TRIM33: variants seen among roughly 807,000 people sequenced by gnomAD.
TRIM33 encodes the protein tripartite motif containing 33.
TRIM33 carries 20 observed loss-of-function variants against 125.4 expected under a neutral mutation model. The ratio of observed to expected loss-of-function variants is 0.16; its 90% CI spans 0.11 to 0.23. The LOEUF (loss-of-function observed/expected upper bound fraction) is 0.23. TRIM33 is among the 10% of genes least tolerant of loss of function. The pLI, the probability that TRIM33 is intolerant of heterozygous loss-of-function variation, is 1.00. For synonymous variants in TRIM33, 564 were observed against 513.9 expected, an observed-to-expected ratio of 1.10 and a Z score of -1.32; for missense variants, 920 against 1,411.4, an observed-to-expected ratio of 0.65 and a Z score of 5.58.
At chr1:114,453,446 G>A (rs758412017) in intron 4 of TRIM33, among the ~76,000 whole-genome samples, 24 of 151,968 alleles carry the variant, frequency 1.6e-4, no homozygotes, top group African/African-American at 5.6e-4. Context: ...CTAAGAAACC[G>A]CATGTACAAA....
chr1:114,408,748 G>A lies in TRIM33; in HGVS notation c.2195-8C>T, dbSNP rs1652401279. On this transcript the variant is annotated splice_polypyrimidine_tract_variant and splice_region_variant and intron_variant, in intron 12 of 19. Transcript: ENST00000358465. ...TGTGAGAATTGGATAAACCTAAAAA[G>A]TAGTAAGTCAAAATGAATATCAATG... 2 of 1,584,026 alleles carry A rather than the reference G, an allele frequency of 1.3e-6. No individual in the cohort carries two copies. The highest frequency in any genetic ancestry group is 1.7e-6 in the Non-Finnish European group (2 of 1,159,158).
At chr1:114,471,253 C>T (rs903748603) in intron 1 of TRIM33, among the ~76,000 whole-genome samples, 38 of 152,162 alleles carry the variant, frequency 2.5e-4, no homozygotes, top group African/African-American at 8.9e-4. Context: ...TCAAGACCAT[C>T]CTGGCCAATA....
intron 4 of TRIM33, among the ~76,000 whole-genome samples, chr1:114,451,231 T>C (rs1649292297): frequency 6.6e-6 from 1 of 152,168 alleles, no homozygotes; most frequent in East Asian, 1.9e-4. Flanking sequence ...GTGACACCTA[T>C]CATCTCTAGG....
rs933379485 is a variant in TRIM33 at position 114,399,404 on chromosome 1, GAAAC to G, written c.3120+49_3120+52del. The G allele has an allele frequency of 4.9e-5, 74 of 1,522,398 alleles. 2 individuals are homozygous for G. The Middle Eastern group carries it at 4.2e-3, about 86-fold the overall frequency. The allele number at this position is 1,522,398 out of a possible 1,614,324, so 94.3% of individuals were successfully genotyped here. ...AAAGTCAGCAGAAAAATAAAACAAGGAAACAAACAAAAACTAACAAATCAAGACT... is the reference window on the plus strand; with the variant it reads ...AAAGTCAGCAGAAAAATAAAACAAGGAAACAAAAACTAACAAATCAAGACT... On this transcript the variant is annotated intron_variant, in intron 18 of 19. Transcript: ENST00000358465.
chr1:114,425,373 A>C, intron 9 of TRIM33, 76 bp downstream of exon 9: 1 of 1,541,476 alleles, frequency 6.5e-7, no homozygotes, highest in Non-Finnish European at 8.8e-7. Flanking sequence ...GAAATGTGTA[A>C]CTTAATTATA....
intron 1 of TRIM33, among the ~76,000 whole-genome samples, chr1:114,475,413 G>A (rs1181389628): frequency 6.6e-6 from 1 of 152,222 alleles, no homozygotes; most frequent in Non-Finnish European, 1.5e-5. Flanking sequence ...TAGGCGCGGT[G>A]GCCCATGCCT....
Position 114,397,347 on chromosome 1 carries a change from ATATT to A in TRIM33, c.*297_*300del, listed in dbSNP as rs1651591503. 7.1e-6 allele frequency: 3 copies of A among 424,496 alleles called. No individual in the cohort carries two copies. Among genetic ancestry groups the A allele is most frequent in the Non-Finnish European group, 1.3e-5 (3 of 235,548 alleles). 26.3% of individuals were successfully genotyped at this position (424,496 alleles called of 1,614,324 possible). ...ACCAATCAATAGCACACAATCATCA[ATATT>A]TGCCATTTCTAACAATCAGAGAATC... On this transcript the variant is annotated 3_prime_UTR_variant, in exon 20 of 20. Transcript: ENST00000358465.
At chr1:114,486,245 C>T (rs1651677850) in intron 1 of TRIM33, among the ~76,000 whole-genome samples, 3 of 152,040 alleles carry the variant, frequency 2.0e-5, no homozygotes, top group Non-Finnish European at 4.4e-5. Context: ...CACTGAACCC[C>T]AGCCTGGGCG....
At chr1:114,467,487 C>G (rs1030077778) in intron 1 of TRIM33, among the ~76,000 whole-genome samples, 1 of 152,062 alleles carries the variant, frequency 6.6e-6, no homozygotes, top group Admixed American at 6.5e-5. Flanking sequence ...GTTATGACTG[C>G]TGAGGAAGAA....
At chr1:114,481,552 C>T (rs1651342289) in intron 1 of TRIM33, among the ~76,000 whole-genome samples, 1 of 150,964 alleles carries the variant, frequency 6.6e-6, no homozygotes, top group Non-Finnish European at 1.5e-5. Flanking sequence ...GATTGCGCCA[C>T]TGCACTCCAG....
intron 1 of TRIM33, among the ~76,000 whole-genome samples, chr1:114,482,930 A>G (rs1176790075): frequency 6.6e-6 from 1 of 152,256 alleles, no homozygotes; most frequent in Non-Finnish European, 1.5e-5. Flanking sequence ...ACCTAGTCTC[A>G]GGTATGTCTT....
intron 1 of TRIM33, among the ~76,000 whole-genome samples, chr1:114,479,576 A>G (rs926916143): frequency 1.3e-5 from 2 of 152,232 alleles, no homozygotes; most frequent in East Asian, 3.8e-4. Context: ...AAAATTTGAG[A>G]GAAAGTCACA....
At position 114,472,976 on chromosome 1, in the gene TRIM33, G is replaced by A. The variant is rs146254803; in HGVS notation, c.527-8588C>T. Among the ~76,000 whole-genome samples, 362 of 152,064 alleles carry A rather than the reference G, an allele frequency of 2.4e-3. 3 individuals are homozygous for A. Among genetic ancestry groups the A allele is most frequent in the African/African-American group, 8.3e-3 (344 of 41,492 alleles). On this transcript the variant is annotated intron_variant, in intron 1 of 19. Coordinates refer to ENST00000358465, the MANE Select transcript of TRIM33 (RefSeq NM_015906.4). ...CAGTGTGTTATAAAGTTTTGGTGCCGCAAAAGAAATAGCACTCAAATATAA... is the reference window on the plus strand; with the variant it reads ...CAGTGTGTTATAAAGTTTTGGTGCCACAAAAGAAATAGCACTCAAATATAA...
At position 114,510,573 on chromosome 1, in the gene TRIM33, GC is replaced by G; in HGVS notation, c.503del (p.Gly168AlafsTer11). On this transcript the variant is annotated frameshift_variant, in exon 1 of 20. Transcript: ENST00000358465. LOFTEE classifies it high-confidence loss of function. ...CACCTTGCTGGATGTCGCCGTTGCT[GC>G]CCCCCGGGATGGGCACGCTGAGCTG... ...ERQLSVPIPG[G>X]SNGDIQQVGV... 3.3e-6 allele frequency: 5 copies of G among 1,515,398 alleles called. No homozygotes were observed. Among genetic ancestry groups the G allele is most frequent in the East Asian group, 2.5e-5 (1 of 40,460 alleles). 93.9% of individuals were successfully genotyped at this position (1,515,398 alleles called of 1,614,324 possible). A position where few individuals can be genotyped will look rare whatever the true frequency, so the allele number is the denominator to read the frequency against.
chr1:114,507,610 A>T (rs1210310324), intron 1 of TRIM33, among the ~76,000 whole-genome samples: 1 of 152,206 alleles, frequency 6.6e-6, no homozygotes, highest in African/African-American at 2.4e-5. Context: ...CCTTGGTGAG[A>T]TATAAGTAAA....
In TRIM33 at chr1:114,415,668, C is replaced by T. The variant is rs561414976; in HGVS notation, c.2062-5352G>A. On this transcript the variant is annotated intron_variant, in intron 11 of 19. Transcript: ENST00000358465. Reference sequence around the variant, plus strand: ...TGACCCTGTTTAGAAAACTGTCACCCGGCCAGGTGCAGTGGCTCACGCCTG... The same window carrying T: ...TGACCCTGTTTAGAAAACTGTCACCTGGCCAGGTGCAGTGGCTCACGCCTG... 4.6e-5 allele frequency among the ~76,000 whole-genome samples: 7 copies of T among 152,088 alleles called. No homozygotes were observed. The East Asian group carries it at 5.8e-4, about 13-fold the overall frequency.
intron 10 of TRIM33, among the ~76,000 whole-genome samples, chr1:114,423,490 CTATT>C (rs1479859083): frequency 1.3e-5 from 2 of 151,886 alleles, no homozygotes; most frequent in Non-Finnish European, 2.9e-5. Context: ...GCTTTTGAAA[CTATT>C]TAAACTTAAA....
chr1:114,424,820 T>C, intron 9 of TRIM33, 65 bp from the exon 10 acceptor site: 1 of 1,111,552 alleles, frequency 9.0e-7, no homozygotes, highest in East Asian at 2.8e-5. Flanking sequence ...AATTATAAAA[T>C]GTAATCATAA....
rs370604696 is a variant in TRIM33 at position 114,490,501 on chromosome 1, A to G, written c.526+20050T>C. Among the ~76,000 whole-genome samples the G allele has an allele frequency of 5.3e-5, 8 of 152,320 alleles. No individual in the cohort carries two copies. In the South Asian group the frequency reaches 1.2e-3, roughly 24 times the overall value. ...GGCAGATCCTCAAAAGATTAAATAT[A>G]AGTTACCACACAACCCAGCAATTGC... On this transcript the variant is annotated intron_variant, in intron 1 of 19. Transcript: ENST00000358465.
Sources: gnomAD v4.1 joint callset for allele counts (sites outside exome capture counted in the v4.1 genomes callset) on GRCh38, gnomAD v4.1.1 for gene constraint, MANE v1.5 for transcripts, NCBI Gene and HGNC (gene_info 2026-07-23, HGNC 2026-07-21) for gene names.